Variants in PPP1R9A observed in about 807,000 individuals in gnomAD.
The protein encoded by PPP1R9A is neurabin-1.
In PPP1R9A, 59 loss-of-function variants were observed where a neutral mutation model predicts 141.9. The observed-to-expected ratio is 0.42, with a 90% CI of 0.34 to 0.52. The LOEUF (loss-of-function observed/expected upper bound fraction) is 0.52, where lower values mean the gene tolerates loss of function less well. PPP1R9A is among the 20% of genes least tolerant of loss of function. The pLI is 0.10. For synonymous variants in PPP1R9A, 500 were observed against 569.7 expected (o/e 0.88, Z 1.74); for missense variants, 1,444 against 1,611.9 (o/e 0.90, Z 1.78).
At chr7:94,968,318 G>T (rs982525728) in intron 2 of PPP1R9A, among the ~76,000 whole-genome samples, 12 of 150,930 alleles carry the variant, frequency 8.0e-5, no homozygotes, top group Non-Finnish European at 1.3e-4. Flanking sequence ...GACTACAGGC[G>T]CCCGCCACTA....
intron 4 of PPP1R9A, among the ~76,000 whole-genome samples, chr7:95,122,366 C>T (rs1584805700): frequency 6.6e-6 from 1 of 152,078 alleles, no homozygotes; most frequent in African/African-American, 2.4e-5. Flanking sequence ...AGAATGGCCT[C>T]GAACTCCTGA....
At chr7:94,939,845 C>CACAT (rs1216200408) in intron 2 of PPP1R9A, among the ~76,000 whole-genome samples, 1 of 151,020 alleles carries the variant, frequency 6.6e-6, no homozygotes, top group Non-Finnish European at 1.5e-5. Context: ...CACACACACA[C>CACAT]ACACGTCCCA....
At chr7:95,170,622 C>G (rs1013450240) in intron 5 of PPP1R9A, among the ~76,000 whole-genome samples, 1 of 151,324 alleles carries the variant, frequency 6.6e-6, no homozygotes, top group African/African-American at 2.4e-5. Context: ...GAATTTTATA[C>G]TCAAGGAAAT....
At chr7:95,218,564 G>C (rs1283745025) in intron 7 of PPP1R9A, among the ~76,000 whole-genome samples, 2 of 152,124 alleles carry the variant, frequency 1.3e-5, no homozygotes, top group Non-Finnish European at 2.9e-5. Flanking sequence ...TGTTGACAGT[G>C]GGGTGTTAAA....
chr7:95,062,112 G>A (rs1812319462), intron 2 of PPP1R9A, among the ~76,000 whole-genome samples: 1 of 151,692 alleles, frequency 6.6e-6, no homozygotes, highest in African/African-American at 2.4e-5. Context: ...AGATGGTGGA[G>A]TGACTCCTCT....
intron 12 of PPP1R9A, among the ~76,000 whole-genome samples, chr7:95,253,244 C>A (rs1799133859): frequency 6.6e-6 from 1 of 152,138 alleles, no homozygotes; most frequent in South Asian, 2.1e-4. Flanking sequence ...AACTCAGAGG[C>A]AACACTTTGA....
chr7:94,941,556 T>G (rs1338485755), intron 2 of PPP1R9A, among the ~76,000 whole-genome samples: 1 of 152,092 alleles, frequency 6.6e-6, no homozygotes, highest in East Asian at 1.9e-4. Context: ...ATCTAAATGC[T>G]CTTAAAGTAT....
At chr7:95,124,856 A>G (rs1272668086) in intron 4 of PPP1R9A, among the ~76,000 whole-genome samples, 1 of 151,932 alleles carries the variant, frequency 6.6e-6, no homozygotes, top group East Asian at 1.9e-4. Flanking sequence ...CCCCCACAAG[A>G]AGCCTTTTCA....
chr7:95,202,441 C>T (rs1180352240), intron 6 of PPP1R9A: 2 of 188,178 alleles, frequency 1.1e-5, no homozygotes, highest in African/African-American at 4.8e-5. Context: ...AATATTTGAA[C>T]AATTGAAAAA....
chr7:95,030,371 C>T (rs538153572), intron 2 of PPP1R9A, among the ~76,000 whole-genome samples: 1 of 152,280 alleles, frequency 6.6e-6, no homozygotes, highest in East Asian at 1.9e-4. Flanking sequence ...AACTGACAGT[C>T]TCTTTGGCAT....
intron 8 of PPP1R9A, among the ~76,000 whole-genome samples, chr7:95,241,993 G>A (rs1193724733): frequency 6.6e-6 from 1 of 152,116 alleles, no homozygotes; most frequent in African/African-American, 2.4e-5. Flanking sequence ...TGCTACATAT[G>A]CTGCCATTAG....
rs773726738 is a variant in PPP1R9A at position 95,250,067 on chromosome 7, A to G, written c.2208A>G (p.Glu736=). 1 of 1,612,196 alleles carries G rather than the reference A, an allele frequency of 6.2e-7. No individual in the cohort carries two copies. The highest frequency in any genetic ancestry group is 8.5e-7 in the Non-Finnish European group (1 of 1,179,442). ...AENEKVRWEL[E]KTQLQQNIEE... ...ATGAGAAAGTGAGGTGGGAACTAGA[A>G]AAAACCCAACTCCAACAAAACATAG... The change falls in exon 10 of 20, where the codon GAA becomes GAG. Residue 736 remains glutamate, a synonymous_variant. Transcript: ENST00000433360.
At chr7:95,086,257 A>G (rs1816619085) in intron 2 of PPP1R9A, among the ~76,000 whole-genome samples, 1 of 152,012 alleles carries the variant, frequency 6.6e-6, no homozygotes, top group South Asian at 2.1e-4. Flanking sequence ...TATTTTTACA[A>G]CAAAACATTA....
At chr7:95,083,025 G>A (rs946347106) in intron 2 of PPP1R9A, among the ~76,000 whole-genome samples, 1 of 151,806 alleles carries the variant, frequency 6.6e-6, no homozygotes, top group Non-Finnish European at 1.5e-5. Flanking sequence ...AAAGTGCTGG[G>A]ATTACAGGCG....
At chr7:95,164,694 C>A (rs949509421) in intron 5 of PPP1R9A, among the ~76,000 whole-genome samples, 7 of 114,432 alleles carry the variant, frequency 6.1e-5, no homozygotes, top group Non-Finnish European at 1.3e-4. Flanking sequence ...ATAAGAGTTT[C>A]TTTAATTTTC....
At chr7:95,095,515 T>C (rs1050684875) in intron 2 of PPP1R9A, among the ~76,000 whole-genome samples, 4 of 152,226 alleles carry the variant, frequency 2.6e-5, no homozygotes. Context: ...GTAAAGGATT[T>C]CCACCCTCTG....
intron 2 of PPP1R9A, among the ~76,000 whole-genome samples, 160 bp from the exon 3 acceptor site, chr7:95,111,099 T>G (rs1449412874): frequency 6.6e-6 from 1 of 152,226 alleles, no homozygotes; most frequent in African/African-American, 2.4e-5. Context: ...ACTTTTATAC[T>G]GACTCAATTT....
At chr7:95,211,979 G>T (rs1792236755) in intron 7 of PPP1R9A, among the ~76,000 whole-genome samples, 1 of 152,138 alleles carries the variant, frequency 6.6e-6, no homozygotes, top group Non-Finnish European at 1.5e-5. Context: ...GACAGAATGA[G>T]TCCCTGTCTC....
intron 2 of PPP1R9A, among the ~76,000 whole-genome samples, chr7:95,108,307 C>CTTTTTTTTTTTTTTTTTTTTTTTTT (rs1166103728): frequency 8.4e-5 from 5 of 59,618 alleles, no homozygotes; most frequent in Admixed American, 2.2e-4. Context: ...CGTTTCTTTT[C>CTTTTTTTTTTTTTTTTTTTTTTTTT]TTTTTTTTTT....
Sources: allele counts gnomAD v4.1 joint callset (sites outside exome capture counted in the v4.1 genomes callset), GRCh38; gene constraint gnomAD v4.1.1; transcripts MANE v1.5; gene names NCBI Gene and HGNC (gene_info 2026-07-23, HGNC 2026-07-21).